DIP2C: variants seen among roughly 807,000 people sequenced by gnomAD.
DIP2C encodes the protein disco-interacting protein 2 homolog C.
DIP2C carries 33 observed loss-of-function variants against 192.4 expected under a neutral mutation model. That is an observed-to-expected ratio of 0.17 (90% CI 0.13 to 0.23). DIP2C has a LOEUF of 0.23. Ranked by LOEUF, DIP2C falls within the 10% of genes least tolerant of loss-of-function variation. DIP2C has a pLI of 1.00. For synonymous variants in DIP2C, 979 were observed against 864.1 expected (o/e 1.13, Z -2.33); for missense variants, 1,537 against 2,110.1 (o/e 0.73, Z 5.32).
At chr10:677,847 A>G (rs1039583595) in intron 1 of DIP2C, among the ~76,000 whole-genome samples, 1 of 152,244 alleles carries the variant, frequency 6.6e-6, no homozygotes, top group Non-Finnish European at 1.5e-5. Flanking sequence ...CAGAAGTGCC[A>G]CAGACAGGTG....
At chr10:568,474 AACTTC>A (rs1248644050) in intron 1 of DIP2C, among the ~76,000 whole-genome samples, 6 of 152,108 alleles carry the variant, frequency 3.9e-5, no homozygotes, top group Admixed American at 2.0e-4. Flanking sequence ...TTTCGGAAAA[AACTTC>A]ACTTGAGGCC....
Position 356,413 on chromosome 10 carries a change from C to T in DIP2C, c.2985+13G>A. 6.2e-7 allele frequency: 1 copy of T among 1,610,240 alleles called. No individual in the cohort carries two copies. The highest frequency in any genetic ancestry group is 1.1e-5 in the South Asian group (1 of 91,084). ...GAGGCCAGTAGCCAGGGAAGGCCAG[C>T]TCCGCGCCTCACCCGACAGTTGAGC... On this transcript the variant is annotated intron_variant, in intron 24 of 36. Coordinates refer to ENST00000280886, the MANE Select transcript of DIP2C (RefSeq NM_014974.3).
intron 32 of DIP2C, among the ~76,000 whole-genome samples, chr10:302,859 G>A (rs1956115469): frequency 6.6e-6 from 1 of 152,250 alleles, no homozygotes; most frequent in South Asian, 2.1e-4. Context: ...TGCTCTGGGT[G>A]AGTGGTAAGT....
At chr10:486,635 T>C in intron 1 of DIP2C, 105 bp from the exon 2 acceptor site, 2 of 928,678 alleles carry the variant, frequency 2.2e-6, no homozygotes, top group Admixed American at 2.9e-5. Flanking sequence ...TCTGTGTGCC[T>C]CATTGTTAGA....
At chr10:341,680 C>T (rs980596494) in intron 28 of DIP2C, among the ~76,000 whole-genome samples, 7 of 152,184 alleles carry the variant, frequency 4.6e-5, no homozygotes, top group Admixed American at 2.0e-4. Flanking sequence ...ATGCGTGGGG[C>T]CTGACACCCA....
At chr10:353,350 A>T (rs1179448866) in intron 24 of DIP2C, among the ~76,000 whole-genome samples, 1 of 152,206 alleles carries the variant, frequency 6.6e-6, no homozygotes, top group Non-Finnish European at 1.5e-5. Flanking sequence ...GGTATAAGTT[A>T]AAAAAGGTCA....
intron 1 of DIP2C, among the ~76,000 whole-genome samples, chr10:626,050 C>G (rs1854181199): frequency 1.3e-5 from 2 of 152,170 alleles, no homozygotes; most frequent in African/African-American, 4.8e-5. Flanking sequence ...AAAGTGTTCC[C>G]AGAAGGTAAA....
intron 2 of DIP2C, among the ~76,000 whole-genome samples, chr10:480,114 G>C (rs1402650848): frequency 6.7e-6 from 1 of 148,300 alleles, no homozygotes; most frequent in Non-Finnish European, 1.5e-5. Flanking sequence ...CACTGGATGA[G>C]TCTCACCCGC....
At position 619,524 on chromosome 10, in the gene DIP2C, A is replaced by AGGG. The variant is rs533671871; in HGVS notation, c.85+69969_85+69970insCCC. On this transcript the variant is annotated intron_variant, in intron 1 of 36. Coordinates refer to ENST00000280886, the MANE Select transcript of DIP2C (RefSeq NM_014974.3). ...GCACAGGCTTTATGCCAGGGCCAGG[A>AGGG]CCAAGCCCGCCCGCCCGCCCTCCCA... Among the ~76,000 whole-genome samples the AGGG allele has an allele frequency of 4.4e-5, 3 of 68,174 alleles. No homozygotes were observed. In the South Asian group the frequency reaches 1.9e-3, roughly 42 times the overall value. The allele number at this position is 68,174 out of a possible 152,430, so 44.7% of individuals were successfully genotyped here.
chr10:342,551 T>A (rs1304902490), intron 28 of DIP2C, among the ~76,000 whole-genome samples: 2 of 152,216 alleles, frequency 1.3e-5, no homozygotes, highest in African/African-American at 4.8e-5. Context: ...TATTCACGGC[T>A]ATCTCCACGG....
At chr10:633,944 CTT>C (rs1386116629) in intron 1 of DIP2C, among the ~76,000 whole-genome samples, 1 of 152,166 alleles carries the variant, frequency 6.6e-6, no homozygotes, top group Non-Finnish European at 1.5e-5. Flanking sequence ...TCCTTAAAAG[CTT>C]CTCTCTTTTA....
intron 29 of DIP2C, among the ~76,000 whole-genome samples, chr10:338,336 G>A (rs369126108): frequency 9.2e-5 from 14 of 152,100 alleles, no homozygotes; most frequent in East Asian, 5.8e-4. Context: ...CTGGCCTCAC[G>A]TTCAGGTGCC....
chr10:501,615 C>T (rs913112949), intron 1 of DIP2C, among the ~76,000 whole-genome samples: 6 of 151,776 alleles, frequency 4.0e-5, no homozygotes, highest in African/African-American at 1.2e-4. Context: ...AGTGCAAAAC[C>T]GATCGAAGAA....
At chr10:669,925 A>G (rs766641275) in intron 1 of DIP2C, among the ~76,000 whole-genome samples, 2 of 152,332 alleles carry the variant, frequency 1.3e-5, no homozygotes, top group South Asian at 4.1e-4. Flanking sequence ...ATTTAATATG[A>G]CAATTTCCAT....
Position 666,201 on chromosome 10 carries a change from A to G in DIP2C, c.85+23293T>C, listed in dbSNP as rs1007557230. 4 of 152,216 alleles carry G rather than the reference A, an allele frequency of 2.6e-5. No homozygotes were observed. The highest frequency in any genetic ancestry group is 9.6e-5 in the African/African-American group (4 of 41,462). The allele number at this position is 152,216 out of a possible 1,614,324, so 9.4% of individuals were successfully genotyped here. A position where few individuals can be genotyped will look rare whatever the true frequency, so the allele number is the denominator to read the frequency against. ...TTTTCTCCGAACTGGCCTTATTATT[A>G]TTAATTATTCCTTCAGCACCTACCG... On this transcript the variant is annotated intron_variant, in intron 1 of 36. Coordinates refer to ENST00000280886, the MANE Select transcript of DIP2C (RefSeq NM_014974.3). This position sits in a 1 kb window ranked among gnomAD's most constrained non-coding sequence, Gnocchi z 4.1.
chr10:390,978 C>T (rs1963413346), intron 10 of DIP2C, 115 bp from the exon 11 acceptor site: 9 of 1,435,712 alleles, frequency 6.3e-6, no homozygotes, highest in African/African-American at 1.4e-5. Flanking sequence ...CAGGATCCAA[C>T]CCCCAGCCCT....
At chr10:374,185 A>G (rs373787122) in intron 17 of DIP2C, among the ~76,000 whole-genome samples, 27 of 152,228 alleles carry the variant, frequency 1.8e-4, no homozygotes, top group African/African-American at 5.5e-4. Flanking sequence ...TAATACAAAT[A>G]TAAGATCATA....
At chr10:576,370 G>A (rs1168976030) in intron 1 of DIP2C, among the ~76,000 whole-genome samples, 1 of 152,186 alleles carries the variant, frequency 6.6e-6, no homozygotes, top group East Asian at 1.9e-4. Context: ...GTTAAGAAGC[G>A]TTCAGGGTAC....
At chr10:615,523 C>T (rs1354390346) in intron 1 of DIP2C, among the ~76,000 whole-genome samples, 1 of 152,072 alleles carries the variant, frequency 6.6e-6, no homozygotes, top group Non-Finnish European at 1.5e-5. Flanking sequence ...CACCAGACTT[C>T]AACTCTCAGG....
Sources: allele counts gnomAD v4.1 joint callset (sites outside exome capture counted in the v4.1 genomes callset), GRCh38; gene constraint gnomAD v4.1.1; non-coding constraint Gnocchi (gnomAD v3.1); transcripts MANE v1.5; gene names NCBI Gene and HGNC (gene_info 2026-07-23, HGNC 2026-07-21).